TLK1: variants seen among roughly 807,000 people sequenced by gnomAD.
The protein encoded by TLK1 is serine/threonine-protein kinase tousled-like 1.
A neutral mutation model predicts 105.3 loss-of-function variants in TLK1; 24 were observed. The observed-to-expected ratio is 0.23, with a 90% CI of 0.17 to 0.32. The LOEUF is 0.32. Among genes scored for constraint, TLK1 ranks in the 10% least tolerant of loss-of-function variants. The pLI, the probability that TLK1 is intolerant of heterozygous loss-of-function variation, is 1.00. For synonymous variants in TLK1, 321 were observed against 310.4 expected, an observed-to-expected ratio of 1.03 and a Z score of -0.36; for missense variants, 558 against 910.5, an observed-to-expected ratio of 0.61 and a Z score of 4.98.
At chr2:171,006,718 G>A in intron 16 of TLK1, 75 bp from the exon 17 acceptor site, 1 of 1,592,272 alleles carries the variant, frequency 6.3e-7, no homozygotes, top group South Asian at 1.1e-5. Flanking sequence ...GAAATGGAGA[G>A]TATTTATATC....
At chr2:171,000,683 G>A (rs1350883712) in intron 18 of TLK1, among the ~76,000 whole-genome samples, 4 of 152,078 alleles carry the variant, frequency 2.6e-5, no homozygotes, top group Non-Finnish European at 4.4e-5. Flanking sequence ...AGGGGAGGCA[G>A]ACACACTCAG....
At chr2:171,066,838 T>C in intron 3 of TLK1, 1 of 1,551,058 alleles carries the variant, frequency 6.4e-7, no homozygotes, top group Non-Finnish European at 8.7e-7. Context: ...CCTACTCAAA[T>C]TACCTTGCCA....
intron 1 of TLK1, among the ~76,000 whole-genome samples, chr2:171,207,882 C>T (rs1575659375): frequency 6.6e-6 from 1 of 152,076 alleles, no homozygotes; most frequent in Non-Finnish European, 1.5e-5. Context: ...TCTGCCACCA[C>T]GGCCAACTAA....
At chr2:171,115,463 G>A (rs1025382843) in intron 2 of TLK1, among the ~76,000 whole-genome samples, 2 of 152,118 alleles carry the variant, frequency 1.3e-5, no homozygotes, top group Non-Finnish European at 2.9e-5. Flanking sequence ...GTGAGCAACC[G>A]TGCCCGGCCT....
At chr2:171,067,189 T>G (rs557081873) in intron 3 of TLK1, among the ~76,000 whole-genome samples, 19 of 148,004 alleles carry the variant, frequency 1.3e-4, no homozygotes, top group Non-Finnish European at 2.2e-4. Context: ...AGACAGAGTC[T>G]CACACTGTCA....
intron 12 of TLK1, chr2:171,023,029 T>A (rs1322091220): frequency 2.1e-6 from 1 of 470,872 alleles, no homozygotes; most frequent in Non-Finnish European, 4.4e-6. Flanking sequence ...AGATTAATAC[T>A]GATGCTGCTG....
chr2:171,154,872 T>C (rs1692174580), intron 1 of TLK1, among the ~76,000 whole-genome samples: 2 of 152,200 alleles, frequency 1.3e-5, no homozygotes, highest in African/African-American at 4.8e-5. Flanking sequence ...ACTACACTTA[T>C]TAATATTAAA....
At chr2:171,049,676 T>C (rs1687139850) in intron 10 of TLK1, 138 bp downstream of exon 10, 2 of 1,010,188 alleles carry the variant, frequency 2.0e-6, no homozygotes, top group South Asian at 1.8e-5. Context: ...CTTGGTTTCA[T>C]ATCCCTTTCA....
chr2:171,204,929 G>GC (rs1220188697), intron 1 of TLK1, among the ~76,000 whole-genome samples: 4 of 151,572 alleles, frequency 2.6e-5, no homozygotes, highest in African/African-American at 9.7e-5. Context: ...CCCCAGCCTG[G>GC]GTGATAGAGT....
chr2:171,098,206 T>C (rs1017480778), intron 2 of TLK1, among the ~76,000 whole-genome samples: 1 of 152,102 alleles, frequency 6.6e-6, no homozygotes, highest in Non-Finnish European at 1.5e-5. Flanking sequence ...CAGTTAATAA[T>C]ATAGTACCGT....
At chr2:171,179,039 T>A (rs1316013603) in intron 1 of TLK1, among the ~76,000 whole-genome samples, 1 of 152,200 alleles carries the variant, frequency 6.6e-6, no homozygotes, top group East Asian at 1.9e-4. Context: ...CATCTAATGA[T>A]GGGTTTGAAG....
chr2:171,083,387 C>A (rs540671706), intron 2 of TLK1, among the ~76,000 whole-genome samples: 9 of 152,192 alleles, frequency 5.9e-5, no homozygotes, highest in Non-Finnish European at 1.3e-4. Context: ...TAATTAATTG[C>A]TTTGCTCAAG....
At chr2:171,029,745 T>C (rs1236354772) in intron 11 of TLK1, among the ~76,000 whole-genome samples, 1 of 152,198 alleles carries the variant, frequency 6.6e-6, no homozygotes, top group African/African-American at 2.4e-5. Context: ...GTTTAATGTA[T>C]GCAGAACTAC....
intron 11 of TLK1, among the ~76,000 whole-genome samples, chr2:171,036,291 A>G (rs1311977444): frequency 6.6e-6 from 1 of 152,178 alleles, no homozygotes; most frequent in Non-Finnish European, 1.5e-5. Context: ...TTAAAAATAC[A>G]AAAATTAGCC....
chr2:171,152,436 A>G (rs1692079308), intron 1 of TLK1, among the ~76,000 whole-genome samples: 1 of 152,178 alleles, frequency 6.6e-6, no homozygotes, highest in African/African-American at 2.4e-5. Context: ...CCACTCCATG[A>G]CTGATAAATT....
intron 1 of TLK1, among the ~76,000 whole-genome samples, chr2:171,149,482 C>G (rs1018315364): frequency 7.2e-5 from 11 of 152,248 alleles, no homozygotes; most frequent in African/African-American, 2.6e-4. Context: ...TTTATACATG[C>G]TACCAACATC....
chr2:171,121,245 A>T lies in TLK1; in HGVS notation c.140-3388T>A, dbSNP rs936620650. 4.6e-5 allele frequency among the ~76,000 whole-genome samples: 7 copies of T among 152,324 alleles called. No individual in the cohort carries two copies. In the East Asian group the frequency reaches 1.3e-3, roughly 29 times the overall value. On this transcript the variant is annotated intron_variant, in intron 1 of 20. Coordinates refer to ENST00000431350, the MANE Select transcript of TLK1 (RefSeq NM_012290.5). Reference sequence around the variant, plus strand: ...TTATATTTTGCCACAATTTAAAAAAAAATAATTAGATGTCGCGGCGCCTGC... The same window carrying T: ...TTATATTTTGCCACAATTTAAAAAATAATAATTAGATGTCGCGGCGCCTGC...
intron 18 of TLK1, among the ~76,000 whole-genome samples, chr2:170,999,958 G>C (rs1684279471): frequency 6.6e-6 from 1 of 151,998 alleles, no homozygotes; most frequent in African/African-American, 2.4e-5. Context: ...ACAGGGTCTT[G>C]CTATGTTGCC....
At chr2:171,034,807 A>T (rs996822763) in intron 11 of TLK1, among the ~76,000 whole-genome samples, 1 of 152,204 alleles carries the variant, frequency 6.6e-6, no homozygotes. Flanking sequence ...GGATGAAACT[A>T]GTCTTCCTTT....
Sources: allele counts gnomAD v4.1 joint callset (sites outside exome capture counted in the v4.1 genomes callset), GRCh38; gene constraint gnomAD v4.1.1; transcripts MANE v1.5; gene names NCBI Gene and HGNC (gene_info 2026-07-23, HGNC 2026-07-21).